The following ANO2 variants were observed in gnomAD, a reference collection of about 807,000 sequenced individuals.
The protein encoded by ANO2 is anoctamin 2, also known as anoctamin-2.
In ANO2, 101 loss-of-function variants were observed where a neutral mutation model predicts 124.2. The ratio of observed to expected loss-of-function variants is 0.81; its 90% confidence interval spans 0.69 to 0.96. The LOEUF is 0.96. ANO2 is among the 40% of genes least tolerant of loss of function. The pLI, the probability that ANO2 is intolerant of heterozygous loss-of-function variation, is 0.00. For missense variants in ANO2, 1,293 were observed against 1,274.5 expected (o/e 1.01, Z -0.22); for synonymous variants, 486 against 482.5 (o/e 1.01, Z -0.09).
chr12:5,865,375 C>T (rs1425331040), intron 3 of ANO2, among the ~76,000 whole-genome samples: 1 of 150,772 alleles, frequency 6.6e-6, no homozygotes, highest in Non-Finnish European at 1.5e-5. Context: ...GCATTCAAAC[C>T]ATCATGCCAT....
intron 7 of ANO2, among the ~76,000 whole-genome samples, chr12:5,810,103 T>C (rs1474224242): frequency 6.6e-6 from 1 of 152,188 alleles, no homozygotes; most frequent in Non-Finnish European, 1.5e-5. Context: ...ATGCCGCAAC[T>C]GGATGTTTCT....
At chr12:5,716,757 C>T (rs574422232) in intron 14 of ANO2, among the ~76,000 whole-genome samples, 4 of 152,252 alleles carry the variant, frequency 2.6e-5, no homozygotes, top group South Asian at 2.1e-4. Context: ...TGGAGAATCA[C>T]GAAGCTGTAT....
At chr12:5,732,447 G>C (rs1200130136) in intron 14 of ANO2, 73 bp downstream of exon 14, 2 of 1,313,958 alleles carry the variant, frequency 1.5e-6, no homozygotes, top group African/African-American at 1.5e-5. Flanking sequence ...CCTTCACTAA[G>C]GCGTGCCAAA....
chr12:5,862,415 C>A lies in ANO2; in HGVS notation c.535-8274G>T, dbSNP rs1955297808. Among the ~76,000 whole-genome samples the A allele has an allele frequency of 6.6e-6, 1 of 152,220 alleles. No individual in the cohort carries two copies. The highest frequency in any genetic ancestry group is 2.1e-4 in the South Asian group (1 of 4,830). ...GACATGAAAACTCAGCCACTTTTGT[C>A]GTATTTCTGGGTGCCAACCTGGACA... On this transcript the variant is annotated intron_variant, in intron 3 of 24. Transcript: ENST00000682330. This position sits in a 1 kb window ranked among gnomAD's most constrained non-coding sequence, Gnocchi z 4.0.
rs1459718671 is a variant in ANO2, at chr12:5,921,213, G to C, written c.361C>G (p.His121Asp). The C allele has an allele frequency of 6.2e-7, 1 of 1,613,840 alleles. No homozygotes were observed. The highest frequency in any genetic ancestry group is 8.5e-7 in the Non-Finnish European group (1 of 1,179,868). Residue 121 changes from histidine to aspartate, a missense_variant, in exon 3 of 25, where the codon CAC becomes GAC. Physicochemically the swap from His to Asp is moderately conservative, Grantham distance 81 (BLOSUM62 -1). Transcript: ENST00000682330. ...GVHLAQGFPGHSLAIVSNGET... is the reference protein window; with the variant it reads ...GVHLAQGFPGDSLAIVSNGET... Reference sequence around the variant, plus strand: ...CCATTGGAGACGATAGCCAGCGAGTGGCCAGGGAAGCCTTGGGCCAGGTGC... The same window carrying C: ...CCATTGGAGACGATAGCCAGCGAGTCGCCAGGGAAGCCTTGGGCCAGGTGC...
At chr12:5,631,293 A>G (rs3782604) in intron 16 of ANO2, among the ~76,000 whole-genome samples, 87,899 of 151,918 alleles carry the variant, frequency 0.58, 27,161 homozygotes, top group Non-Finnish European at 0.68. Flanking sequence ...ATCTTCCTAA[A>G]AGTTCTCCTT....
In ANO2 at chr12:5,827,753, G is replaced by A. The variant is rs750142702; in HGVS notation, c.892+16C>T. On this transcript the variant is annotated intron_variant, in intron 7 of 24. Coordinates refer to ENST00000682330, the MANE Select transcript of ANO2 (RefSeq NM_001364791.2). Reference sequence around the variant, plus strand: ...CAGCGCCCGTCAGCACCCTGCCCGCGGGCTGGGGTCCTTACCCATCGTGTT... The same window carrying A: ...CAGCGCCCGTCAGCACCCTGCCCGCAGGCTGGGGTCCTTACCCATCGTGTT... The A allele has an allele frequency of 1.2e-6, 2 of 1,607,050 alleles. No individual in the cohort carries two copies. Among genetic ancestry groups the A allele is most frequent in the South Asian group, 1.1e-5 (1 of 89,480 alleles).
At chr12:5,868,404 C>T (rs944812459) in intron 3 of ANO2, among the ~76,000 whole-genome samples, 1 of 152,034 alleles carries the variant, frequency 6.6e-6, no homozygotes, top group Non-Finnish European at 1.5e-5. Context: ...CTCTGAGTCT[C>T]AGCCTCCTTT....
chr12:5,833,283 T>A (rs1050726285), intron 4 of ANO2, among the ~76,000 whole-genome samples: 8 of 152,264 alleles, frequency 5.3e-5, no homozygotes, highest in South Asian at 2.1e-4. Context: ...CTGTTTTTTT[T>A]ATAATGCATA....
At chr12:5,921,006 C>T in intron 3 of ANO2, 34 bp downstream of exon 3, 3 of 1,577,686 alleles carry the variant, frequency 1.9e-6, no homozygotes, top group Non-Finnish European at 2.6e-6. Context: ...GGTGCCATTC[C>T]ATCTCCAAGT....
intron 24 of ANO2, chr12:5,564,625 T>G (rs1245673540): frequency 6.6e-6 from 1 of 152,164 alleles, no homozygotes; most frequent in Non-Finnish European, 1.5e-5. Context: ...CTTCACCAAG[T>G]CACACACTCT....
chr12:5,568,075 A>G (rs1941879199), intron 23 of ANO2, among the ~76,000 whole-genome samples: 1 of 152,048 alleles, frequency 6.6e-6, no homozygotes, highest in Admixed American at 6.6e-5. Flanking sequence ...GTTGTGTGCA[A>G]TGCACTAGAA....
At chr12:5,654,560 C>A (rs980758253) in intron 14 of ANO2, among the ~76,000 whole-genome samples, 1 of 152,128 alleles carries the variant, frequency 6.6e-6, no homozygotes, top group Non-Finnish European at 1.5e-5. Context: ...GGGGGGCACA[C>A]CATTCAGCCA....
intron 4 of ANO2, chr12:5,839,624 TTGGTGGTTG>T: frequency 1.1e-5 from 5 of 455,966 alleles, no homozygotes; most frequent in Non-Finnish European, 2.2e-5. Context: ...AGTCCTGAGC[TTGGTGGTTG>T]ATTGTGGTAA....
intron 3 of ANO2, among the ~76,000 whole-genome samples, chr12:5,888,304 A>G (rs954751931): frequency 6.6e-6 from 1 of 152,138 alleles, no homozygotes; most frequent in African/African-American, 2.4e-5. Context: ...TGAGCGTTAC[A>G]GCTCATAAAA....
intron 3 of ANO2, among the ~76,000 whole-genome samples, chr12:5,871,913 A>C (rs907557330): frequency 1.3e-5 from 2 of 152,174 alleles, no homozygotes; most frequent in African/African-American, 4.8e-5. Context: ...AGCTTGTCCT[A>C]CTCAGAATCT....
At chr12:5,575,698 A>T in intron 23 of ANO2, 136 bp downstream of exon 23, 1 of 972,104 alleles carries the variant, frequency 1.0e-6, no homozygotes, top group Non-Finnish European at 1.5e-6. Context: ...CTTACGGGAC[A>T]ATCGCCATAT....
intron 3 of ANO2, among the ~76,000 whole-genome samples, chr12:5,891,488 T>A (rs1939397085): frequency 6.6e-6 from 1 of 152,128 alleles, no homozygotes; most frequent in Non-Finnish European, 1.5e-5. Flanking sequence ...GGCTGAAGGA[T>A]GGCAAAGAGG....
chr12:5,653,522 A>T (rs1330771908), intron 14 of ANO2, among the ~76,000 whole-genome samples: 1 of 152,190 alleles, frequency 6.6e-6, no homozygotes, highest in Non-Finnish European at 1.5e-5. Context: ...TTCCTTACTG[A>T]GCACTCAATG....
Sources: gnomAD v4.1 joint callset for allele counts (sites outside exome capture counted in the v4.1 genomes callset) on GRCh38, gnomAD v4.1.1 for gene constraint, Gnocchi (gnomAD v3.1) non-coding constraint, MANE v1.5 for transcripts, NCBI Gene and HGNC (gene_info 2026-07-23, HGNC 2026-07-21) for gene names.